The following GNAI2 variants were observed in gnomAD, a reference collection of about 807,000 sequenced individuals.
GNAI2 encodes guanine nucleotide-binding protein G(i) subunit alpha-2.
Under a neutral mutation model 36.8 loss-of-function variants are expected in GNAI2, and 4 were observed. The observed-to-expected ratio is 0.11, with a 90% confidence interval of 0.05 to 0.25. The LOEUF (loss-of-function observed/expected upper bound fraction) is 0.25, where lower values mean the gene tolerates loss of function less well. Among genes scored for constraint, GNAI2 ranks in the 10% least tolerant of loss-of-function variants. The probability of loss-of-function intolerance (pLI) is 1.00; values close to 1 mark genes in which losing one functional copy is unlikely to be tolerated. For missense variants in GNAI2, 230 were observed against 481.3 expected, an observed-to-expected ratio of 0.48 and a Z score of 4.89; for synonymous variants, 194 against 194.1, an observed-to-expected ratio of 1.00 and a Z score of 0.01.
chr3:50,234,310 C>T (rs1453884927), upstream of GNAI2, among the ~76,000 whole-genome samples: 4 of 151,664 alleles, frequency 2.6e-5, no homozygotes, highest in South Asian at 2.1e-4. Context: ...TCTGCCGCCT[C>T]GGCCTCCCAG....
intron 1 of GNAI2, among the ~76,000 whole-genome samples, chr3:50,243,831 ACGGAT>A (rs1421973786): frequency 6.6e-6 from 1 of 152,114 alleles, no homozygotes; most frequent in Non-Finnish European, 1.5e-5. Context: ...GCTGGAAGTA[ACGGAT>A]CAGGCAGGAC....
rs1488399215 is a variant in GNAI2 at position 50,259,127 on chromosome 3, G to A, written c.*784G>A. On this transcript the variant is annotated 3_prime_UTR_variant, in exon 9 of 9. Transcript: ENST00000313601. ...AGGGCTGTTCCAGACAACTGCCAAC[G>A]TCACTGAGGGCCCTGCCCCAGCGGC... The A allele has an allele frequency of 2.9e-6, 1 of 344,356 alleles. No individual in the cohort carries two copies. Among genetic ancestry groups the A allele is most frequent in the Non-Finnish European group, 5.7e-6 (1 of 176,876 alleles). The allele number at this position is 344,356 out of a possible 1,614,324, so 21.3% of individuals were successfully genotyped here. A position where few individuals can be genotyped will look rare whatever the true frequency, so the allele number is the denominator to read the frequency against.
In GNAI2 at chr3:50,256,275, C is replaced by T; in HGVS notation, c.548C>T (p.Thr183Met). The T allele has an allele frequency of 6.2e-7, 1 of 1,612,958 alleles. No homozygotes were observed. Among genetic ancestry groups the T allele is most frequent in the Non-Finnish European group, 8.5e-7 (1 of 1,179,250 alleles). ...QDVLRTRVKT[T>M]GIVETHFTFK... is the part of the protein sequence containing the mutation. ...GTGCTACGGACCCGCGTAAAGACCA[C>T]GGGGATCGTGGAGACACACTTCACC... is the stretch of plus-strand genomic sequence containing the variant. Residue 183 changes from threonine to methionine, a missense_variant, in exon 5 of 9, where the codon ACG (threonine) becomes ATG (methionine). Physicochemically the swap from Thr to Met is moderately conservative, Grantham distance 81 (BLOSUM62 -1). Coordinates refer to ENST00000313601, the MANE Select transcript of GNAI2 (RefSeq NM_002070.4).
rs1700232812 is a variant in GNAI2, at chr3:50,238,490, T to A, written c.118+2037T>A. On this transcript the variant is annotated intron_variant, in intron 1 of 8. Transcript: ENST00000313601. The surrounding 1 kb of genome is among the most constrained non-coding windows in gnomAD (Gnocchi z 5.0). ...GGGTGCAGGGTCTGGCTTAGCACTT[T>A]CTAGCCTGGGAAGTTCACCCTGGGG... is the stretch of plus-strand genomic sequence containing the variant. 1 of 152,362 alleles carries A rather than the reference T, an allele frequency of 6.6e-6. No homozygotes were observed. Among genetic ancestry groups the A allele is most frequent in the Non-Finnish European group, 1.5e-5 (1 of 68,134 alleles). The allele number at this position is 152,362 out of a possible 1,614,324, so 9.4% of individuals were successfully genotyped here. A position where few individuals can be genotyped will look rare whatever the true frequency, so the allele number is the denominator to read the frequency against.
chr3:50,246,822 C>A, intron 1 of GNAI2: 1 of 1,081,544 alleles, frequency 9.2e-7, no homozygotes, highest in Non-Finnish European at 1.3e-6. Flanking sequence ...AGGAAGGAGG[C>A]CCCAGCTGTG....
chr3:50,234,830 A>G (rs1245167794), upstream of GNAI2, among the ~76,000 whole-genome samples: 2 of 152,192 alleles, frequency 1.3e-5, no homozygotes, highest in East Asian at 1.9e-4. Context: ...CAAATGTCCA[A>G]TCGAGGGTGG....
Position 50,255,977 on chromosome 3 carries a change from CAG to C in GNAI2, c.465-212_465-211del, listed in dbSNP as rs1553703089. 1.5e-5 allele frequency among the ~76,000 whole-genome samples: 2 copies of C among 136,404 alleles called. No individual in the cohort carries two copies. The highest frequency in any genetic ancestry group is 4.5e-4 in the South Asian group (2 of 4,402). 89.5% of individuals were successfully genotyped at this position (136,404 alleles called of 152,430 possible). On this transcript the variant is annotated intron_variant, in intron 4 of 8. Coordinates refer to ENST00000313601, the MANE Select transcript of GNAI2 (RefSeq NM_002070.4). This position sits in a 1 kb window ranked among gnomAD's most constrained non-coding sequence, Gnocchi z 4.0. ...AGGAGAATCGCTTGAACCTGGCAGG[CAG>C]AGGTTGCAGTGAGCCAAGATCATGC... is the stretch of plus-strand genomic sequence containing the variant.
chr3:50,254,110 G>A (rs1288513049), intron 4 of GNAI2, among the ~76,000 whole-genome samples: 1 of 152,094 alleles, frequency 6.6e-6, no homozygotes, highest in African/African-American at 2.4e-5. Context: ...GGAATTACAA[G>A]GGGTCCCAGG....
chr3:50,244,641 G>A (rs1304963411), intron 1 of GNAI2, among the ~76,000 whole-genome samples: 1 of 152,228 alleles, frequency 6.6e-6, no homozygotes, highest in Non-Finnish European at 1.5e-5. Context: ...ATGTGGCCAT[G>A]GTGTTGGCTG....
At position 50,253,123 on chromosome 3, in the gene GNAI2, C is replaced by G; in HGVS notation, c.403C>G (p.His135Asp). Residue 135 changes from histidine (H) to aspartate (D), a missense_variant, in exon 4 of 9, where the codon CAT (histidine) becomes GAT (aspartate). This residue lies in a region of GNAI2 where 132 missense variants were observed against 247.4 expected (regional missense o/e 0.53). Transcript: ENST00000313601. The surrounding 1 kb of genome is among the most constrained non-coding windows in gnomAD (Gnocchi z 4.2). ...SGVIRRLWAD[H>D]GVQACFGRSR... ...CGTCATCCGGAGGCTCTGGGCTGAC[C>G]ATGGTGTGCAGGCCTGCTTTGGCCG... The G allele has an allele frequency of 6.2e-7, 1 of 1,613,754 alleles. No homozygotes were observed. The highest frequency in any genetic ancestry group is 1.3e-5 in the African/African-American group (1 of 75,060).
At position 50,252,386 on chromosome 3, in the gene GNAI2, C is replaced by T; in HGVS notation, c.162-11C>T. On this transcript the variant is annotated splice_polypyrimidine_tract_variant and intron_variant, in intron 2 of 8. Coordinates refer to ENST00000313601, the MANE Select transcript of GNAI2 (RefSeq NM_002070.4). This position sits in a 1 kb window ranked among gnomAD's most constrained non-coding sequence, Gnocchi z 4.1. Reference sequence around the variant, plus strand: ...CAGGGGACACTAACCTTCCTGGTCCCTGGCTATCAGGATCATCCACGAGGA... The same window carrying T: ...CAGGGGACACTAACCTTCCTGGTCCTTGGCTATCAGGATCATCCACGAGGA... The T allele has an allele frequency of 1.2e-6, 2 of 1,613,600 alleles. No individual in the cohort carries two copies. The highest frequency in any genetic ancestry group is 1.1e-5 in the South Asian group (1 of 91,076).
At position 50,257,692 on chromosome 3, in the gene GNAI2, G is replaced by A; in HGVS notation, c.*2G>A. ...CTGAAGGACTGCGGCCTCTTCTGAG[G>A]GGCAGCGGGGCCTGGCGGGATGGTG... On this transcript the variant is annotated 3_prime_UTR_variant, in exon 8 of 9. Coordinates refer to ENST00000313601, the MANE Select transcript of GNAI2 (RefSeq NM_002070.4). 6.5e-7 allele frequency: 1 copy of A among 1,549,254 alleles called. No homozygotes were observed. Among genetic ancestry groups the A allele is most frequent in the South Asian group, 1.2e-5 (1 of 82,628 alleles).
At chr3:50,256,575 A>G (rs1040938774) in intron 5 of GNAI2, 148 bp from the exon 6 acceptor site, 1 of 874,692 alleles carries the variant, frequency 1.1e-6, no homozygotes, top group Non-Finnish European at 1.8e-6. Context: ...GCCCAGAACC[A>G]GGGGTGAAGT....
upstream of GNAI2, among the ~76,000 whole-genome samples, chr3:50,235,482 G>C (rs782140076): frequency 2.0e-5 from 3 of 152,076 alleles, no homozygotes; most frequent in Non-Finnish European, 2.9e-5. Context: ...ACCACGCCCG[G>C]GTAATTTTTG....
chr3:50,228,657 G>A (rs587736424), upstream of GNAI2, among the ~76,000 whole-genome samples: 3 of 152,214 alleles, frequency 2.0e-5, no homozygotes, highest in African/African-American at 4.8e-5. Flanking sequence ...CCCCATGGCC[G>A]GGATGATCTG....
chr3:50,239,571 G>C (rs1299408759), intron 1 of GNAI2: 3 of 152,270 alleles, frequency 2.0e-5, no homozygotes, highest in African/African-American at 7.2e-5. Context: ...ATTTTGGGTA[G>C]ATGGTGGAGT....
chr3:50,250,965 A>C (rs1700543382), intron 1 of GNAI2, among the ~76,000 whole-genome samples: 1 of 151,946 alleles, frequency 6.6e-6, no homozygotes, highest in Non-Finnish European at 1.5e-5. Context: ...ACCTGCCACC[A>C]CGCCTGGCTA....
rs1287446246 is a variant in GNAI2, at chr3:50,241,635, G to A, written c.118+5182G>A. 6.6e-6 allele frequency among the ~76,000 whole-genome samples: 1 copy of A among 152,188 alleles called. No homozygotes were observed. The highest frequency in any genetic ancestry group is 2.4e-5 in the African/African-American group (1 of 41,436). On this transcript the variant is annotated intron_variant, in intron 1 of 8. Coordinates refer to ENST00000313601, the MANE Select transcript of GNAI2 (RefSeq NM_002070.4). The surrounding 1 kb of genome is among the most constrained non-coding windows in gnomAD (Gnocchi z 5.0). Reference sequence around the variant, plus strand: ...TTGGGGAGAGGAACCCCAGACAGAGGGCAGAGCAGGTGTGAGGACAGAGAG... The same window carrying A: ...TTGGGGAGAGGAACCCCAGACAGAGAGCAGAGCAGGTGTGAGGACAGAGAG...
intron 1 of GNAI2, among the ~76,000 whole-genome samples, chr3:50,237,807 C>CTCA (rs1700212849): frequency 6.6e-6 from 1 of 151,888 alleles, no homozygotes; most frequent in Non-Finnish European, 1.5e-5. Flanking sequence ...AGCGCAGCAC[C>CTCA]GTTGTAGGCT....
Sources: allele counts gnomAD v4.1 joint callset (sites outside exome capture counted in the v4.1 genomes callset), GRCh38; gene constraint gnomAD v4.1.1; regional missense constraint gnomAD v4.1.1; non-coding constraint Gnocchi (gnomAD v3.1); transcripts MANE v1.5; gene names NCBI Gene and HGNC (gene_info 2026-07-23, HGNC 2026-07-21).